KAT5: variants seen among roughly 807,000 people sequenced by gnomAD.
KAT5 encodes the protein lysine acetyltransferase 5.
Under a neutral mutation model 68.1 loss-of-function variants are expected in KAT5, and 31 were observed. That is an observed-to-expected ratio of 0.46 (90% CI 0.34 to 0.61). KAT5 has a LOEUF of 0.61. Among genes scored for constraint, KAT5 ranks in the 20% least tolerant of loss-of-function variants. KAT5 has a pLI of 0.01. For missense variants in KAT5, 451 were observed against 725.5 expected, an observed-to-expected ratio of 0.62 and a Z score of 4.35; for synonymous variants, 365 against 292.6, an observed-to-expected ratio of 1.25 and a Z score of -2.52.
intron 8 of KAT5, chr11:65,715,269 A>G: frequency 3.2e-6 from 1 of 310,140 alleles, no homozygotes; most frequent in Middle Eastern, 1.2e-3. Context: ...TGTTCTGAAG[A>G]GTAGGCATGG....
rs1857207941 is a variant in KAT5, at chr11:65,716,722, T to C, written c.1085T>C (p.Leu362Pro). 1 of 1,613,922 alleles carries C rather than the reference T, an allele frequency of 6.2e-7. No individual in the cohort carries two copies. The highest frequency in any genetic ancestry group is 8.5e-7 in the Non-Finnish European group (1 of 1,179,772). Residue 362 changes from leucine to proline, a missense_variant, in exon 9 of 13, where the codon CTG becomes CCG. Transcript: ENST00000341318. ...AAGTGTTTCCTTGACCATAAGACACTGTACTATGACACAGACCCTTTCCTC... is the reference window on the plus strand; with the variant it reads ...AAGTGTTTCCTTGACCATAAGACACCGTACTATGACACAGACCCTTTCCTC... ...LAKCFLDHKT[L>P]YYDTDPFLFY...
chr11:65,714,580 T>C lies in KAT5; in HGVS notation c.776T>C (p.Val259Ala). The change falls in exon 7 of 13, where the codon GTC (valine) becomes GCC (alanine). Residue 259 changes from valine to alanine, a missense_variant. This residue lies in a region of KAT5 where 210 missense variants were observed against 423.7 expected (regional missense o/e 0.50). Transcript: ENST00000341318. ...TCTGATCGAAGCCACGACGACATCGTCACCCGGATGAAGAACATTGAGTGC... is the reference window on the plus strand; with the variant it reads ...TCTGATCGAAGCCACGACGACATCGCCACCCGGATGAAGAACATTGAGTGC... ...LVSDRSHDDI[V>A]TRMKNIECIE... 6.2e-7 allele frequency: 1 copy of C among 1,614,192 alleles called. No individual in the cohort carries two copies. The highest frequency in any genetic ancestry group is 8.5e-7 in the Non-Finnish European group (1 of 1,180,030).
Position 65,714,510 on chromosome 11 carries a change from T to G in KAT5, c.706T>G (p.Ser236Ala). The G allele has an allele frequency of 1.9e-6, 3 of 1,614,056 alleles. No homozygotes were observed. Among genetic ancestry groups the G allele is most frequent in the Non-Finnish European group, 2.5e-6 (3 of 1,180,030 alleles). The change falls in exon 7 of 13, where the codon TCT (serine) becomes GCT (alanine). Residue 236 changes from serine to alanine, a missense_variant. Physicochemically the swap from Ser to Ala is moderately conservative, Grantham distance 99. Transcript: ENST00000341318. Reference sequence around the variant, plus strand: ...CCCTGGGCAGGACTCCCAGGACAGCTCTGATGGAATACCGTCAGCACCACG... The same window carrying G: ...CCCTGGGCAGGACTCCCAGGACAGCGCTGATGGAATACCGTCAGCACCACG... The part of the protein sequence containing the change: ...LGTDEDSQDS[S>A]DGIPSAPRMT...
chr11:65,714,306 C>A, intron 6 of KAT5, 189 bp from the exon 7 acceptor site: 1 of 662,448 alleles, frequency 1.5e-6, no homozygotes, highest in Non-Finnish European at 2.5e-6. Context: ...AAAATGGGGT[C>A]ATTGGGTGAT....
upstream of KAT5, chr11:65,712,041 C>T (rs1421640149): frequency 2.4e-6 from 1 of 417,574 alleles, no homozygotes; most frequent in Non-Finnish European, 4.3e-6. Context: ...AGTAGACCGC[C>T]ACTGGCTGTG....
chr11:65,716,617 C>A, intron 8 of KAT5, 50 bp from the exon 9 acceptor site: 1 of 1,586,340 alleles, frequency 6.3e-7, no homozygotes, highest in Non-Finnish European at 8.6e-7. Context: ...AACCACTGGC[C>A]AGGCTCAAGG....
In KAT5 at chr11:65,714,832, C is replaced by T. The variant is rs986444927; in HGVS notation, c.951C>T (p.Asp317=). 1.2e-6 allele frequency: 2 copies of T among 1,614,218 alleles called. No homozygotes were observed. ...KCLQRHLTKC[D]LRHPPGNEIY... ...CCTCTCTTCCCCAGACCAAGTGTGA[C>T]CTACGACATCCTCCAGGCAATGAGA... Residue 317 remains aspartate, a synonymous_variant, in exon 8 of 13, where the codon GAC becomes GAT. Coordinates refer to ENST00000341318, the MANE Select transcript of KAT5 (RefSeq NM_182710.3).
chr11:65,713,881 T>A (rs1450927059), intron 6 of KAT5, 33 bp downstream of exon 6: 1 of 1,542,652 alleles, frequency 6.5e-7, no homozygotes, highest in Non-Finnish European at 8.8e-7. Context: ...GGGAACTGGG[T>A]GAAAAGGAAG....
chr11:65,713,882 G>A, intron 6 of KAT5, 34 bp downstream of exon 6: 1 of 1,531,706 alleles, frequency 6.5e-7, no homozygotes, highest in Non-Finnish European at 8.9e-7. Context: ...GGAACTGGGT[G>A]AAAAGGAAGG....
rs1857318726 is a variant in KAT5 at position 65,719,341 on chromosome 11, C to A, written c.*160C>A. On this transcript the variant is annotated 3_prime_UTR_variant, in exon 13 of 13. Coordinates refer to ENST00000341318, the MANE Select transcript of KAT5 (RefSeq NM_182710.3). ...CTGGCAGGGGCCCACTGGTGCCCAGCACCAAGGCGAGCTCCGGGCTCAGAC... is the reference window on the plus strand; with the variant it reads ...CTGGCAGGGGCCCACTGGTGCCCAGAACCAAGGCGAGCTCCGGGCTCAGAC... The A allele has an allele frequency of 4.4e-6, 4 of 901,680 alleles. No homozygotes were observed. In the Admixed American group the frequency reaches 8.6e-5, roughly 19 times the overall value. The allele number at this position is 901,680 out of a possible 1,614,324, so 55.9% of individuals were successfully genotyped here.
intron 12 of KAT5, 30 bp from the exon 13 acceptor site, chr11:65,719,017 C>A: frequency 1.2e-6 from 2 of 1,613,966 alleles, no homozygotes; most frequent in East Asian, 2.2e-5. Flanking sequence ...TGTGGGCTGA[C>A]CACCTGCTGA....
intron 10 of KAT5, chr11:65,717,612 A>G (rs969111508): frequency 6.4e-6 from 1 of 156,828 alleles, no homozygotes; most frequent in African/African-American, 2.4e-5. Flanking sequence ...TGACCTGAGA[A>G]ACAAGGAGGA....
upstream of KAT5, chr11:65,712,248 T>G (rs769646459): frequency 7.0e-5 from 98 of 1,398,808 alleles, no homozygotes; most frequent in Non-Finnish European, 9.1e-5. Flanking sequence ...GGGCCGGAAG[T>G]GGCAGTGGAG....
intron 3 of KAT5, 38 bp from the exon 4 acceptor site, chr11:65,713,310 C>T: frequency 6.2e-7 from 1 of 1,602,354 alleles, no homozygotes; most frequent in Non-Finnish European, 8.5e-7. Flanking sequence ...CCACTGCCAT[C>T]CCCGCCCCAA....
At position 65,719,096 on chromosome 11, in the gene KAT5, G is replaced by A. The variant is rs1323583613; in HGVS notation, c.1556G>A (p.Arg519Gln). The A allele has an allele frequency of 3.7e-6, 6 of 1,614,040 alleles. No individual in the cohort carries two copies. Among genetic ancestry groups the A allele is most frequent in the East Asian group, 2.2e-5 (1 of 44,892 alleles). The change falls in exon 13 of 13, where the codon CGG becomes CAG. Residue 519 changes from arginine to glutamine, a missense_variant. Physicochemically the swap from Arg to Gln is conservative, Grantham distance 43. Coordinates refer to ENST00000341318, the MANE Select transcript of KAT5 (RefSeq NM_182710.3). ...LSEDIVDGHE[R>Q]AMLKRLLRID... Reference sequence around the variant, plus strand: ...GAGGACATCGTGGATGGCCATGAGCGGGCCATGCTCAAGCGGCTCCTGCGG... The same window carrying A: ...GAGGACATCGTGGATGGCCATGAGCAGGCCATGCTCAAGCGGCTCCTGCGG...
At position 65,712,384 on chromosome 11, in the gene KAT5, G is replaced by A. The variant is rs140468859; in HGVS notation, c.117G>A (p.Glu39=). The A allele has an allele frequency of 8.0e-5, 126 of 1,581,530 alleles. No homozygotes were observed. In the African/African-American group the frequency reaches 1.6e-3, roughly 20 times the overall value. Residue 39 remains glutamate, a synonymous_variant, in exon 1 of 13, where the codon GAG becomes GAA. Coordinates refer to ENST00000341318, the MANE Select transcript of KAT5 (RefSeq NM_182710.3). The part of the protein sequence containing the change: ...DPGVALSPQG[E]IIEGCRLPVL... ...GCGTCGCGCTGTCTCCCCAGGGGGAGATAATCGAGGGCTGCCGCCTACCCG... is the reference window on the plus strand; with the variant it reads ...GCGTCGCGCTGTCTCCCCAGGGGGAAATAATCGAGGGCTGCCGCCTACCCG...
At position 65,713,337 on chromosome 11, in the gene KAT5, T is replaced by TA. The variant is rs1282547657; in HGVS notation, c.385-10dup. On this transcript the variant is annotated splice_polypyrimidine_tract_variant and intron_variant, in intron 3 of 12. Coordinates refer to ENST00000341318, the MANE Select transcript of KAT5 (RefSeq NM_182710.3). ...CCGCCCCAAAGGAAGACCCTGGACC[T>TA]ATCTCTACAGCCGGCCTCGGCGCAG... 1.9e-6 allele frequency: 3 copies of TA among 1,613,774 alleles called. No homozygotes were observed. The highest frequency in any genetic ancestry group is 2.5e-6 in the Non-Finnish European group (3 of 1,179,852).
chr11:65,713,213 G>A (rs980211792), intron 3 of KAT5, 135 bp from the exon 4 acceptor site: 1 of 1,300,386 alleles, frequency 7.7e-7, no homozygotes, highest in Non-Finnish European at 1.1e-6. Flanking sequence ...AGCTCCCAGA[G>A]TCCAGTAGCT....
Position 65,712,903 on chromosome 11 carries a change from G to C in KAT5, c.248-19G>C. ...GACAGTCTTTGGCATTCTGTCCTGA[G>C]CCATCCCCACTGCTACAGTCAACAA... On this transcript the variant is annotated intron_variant, in intron 2 of 12. Coordinates refer to ENST00000341318, the MANE Select transcript of KAT5 (RefSeq NM_182710.3). 1 of 1,614,146 alleles carries C rather than the reference G, an allele frequency of 6.2e-7. No individual in the cohort carries two copies. Among genetic ancestry groups the C allele is most frequent in the Non-Finnish European group, 8.5e-7 (1 of 1,180,008 alleles).
Sources: allele counts gnomAD v4.1 joint callset, GRCh38; gene constraint gnomAD v4.1.1; regional missense constraint gnomAD v4.1.1; transcripts MANE v1.5; gene names NCBI Gene and HGNC (gene_info 2026-07-23, HGNC 2026-07-21).